TTC17: variants seen among roughly 807,000 people sequenced by gnomAD.
The protein encoded by TTC17 is tetratricopeptide repeat protein 17.
In TTC17, 58 loss-of-function variants were observed where a neutral mutation model predicts 143.8. The ratio of observed to expected loss-of-function variants is 0.40; its 90% confidence interval spans 0.33 to 0.50. The LOEUF (loss-of-function observed/expected upper bound fraction) is 0.50, where lower values mean the gene tolerates loss of function less well. TTC17 is among the 20% of genes least tolerant of loss of function. The pLI is 0.49. For synonymous variants in TTC17, 501 were observed against 497.8 expected, an observed-to-expected ratio of 1.01 and a Z score of -0.09; for missense variants, 1,273 against 1,392.5, an observed-to-expected ratio of 0.91 and a Z score of 1.37.
intron 15 of TTC17, among the ~76,000 whole-genome samples, chr11:43,409,702 G>C (rs1472770872): frequency 6.6e-6 from 1 of 152,134 alleles, no homozygotes; most frequent in Non-Finnish European, 1.5e-5. Context: ...ATTGGCCACA[G>C]GGCAAATACT....
rs200394000 is a variant in TTC17, at chr11:43,404,719, CA to C, written c.1479+576del. ...TTTCAGAATTTAATCAAGGGTTTAA[CA>C]GAATTAAACAGCCACTTAGATTTAA... On this transcript the variant is annotated intron_variant, in intron 11 of 23. Coordinates refer to ENST00000039989, the MANE Select transcript of TTC17 (RefSeq NM_018259.6). 7.7e-3 allele frequency among the ~76,000 whole-genome samples: 1,178 copies of C among 152,244 alleles called. 10 individuals are homozygous for C. The highest frequency in any genetic ancestry group is 0.013 in the Non-Finnish European group (914 of 68,004).
intron 1 of TTC17, among the ~76,000 whole-genome samples, chr11:43,365,293 G>A (rs1856289100): frequency 6.6e-6 from 1 of 151,942 alleles, no homozygotes; most frequent in South Asian, 2.1e-4. Context: ...TGTAGAGATA[G>A]GGTTGTACCA....
intron 1 of TTC17, among the ~76,000 whole-genome samples, chr11:43,365,089 A>T (rs919456313): frequency 3.3e-5 from 5 of 150,378 alleles, no homozygotes; most frequent in African/African-American, 1.2e-4. Context: ...GCGTGAACCC[A>T]CCACGCCCGG....
At chr11:43,359,228 G>T in intron 1 of TTC17, 115 bp downstream of exon 1, 1 of 1,326,236 alleles carries the variant, frequency 7.5e-7, no homozygotes, top group Non-Finnish European at 9.9e-7. Context: ...TACCCTCACA[G>T]GGAGGTGGCA....
chr11:43,436,255 C>A, intron 16 of TTC17: 1 of 1,466,070 alleles, frequency 6.8e-7, no homozygotes, highest in South Asian at 1.4e-5. Context: ...AAGAAGAGCC[C>A]TCTGAGAGAG....
At chr11:43,367,748 C>G (rs59194815) in intron 1 of TTC17, among the ~76,000 whole-genome samples, 1 of 147,746 alleles carries the variant, frequency 6.8e-6, no homozygotes, top group African/African-American at 2.5e-5. Flanking sequence ...GTGTGTGTGT[C>G]TCTTTTACAG....
At position 43,389,824 on chromosome 11, in the gene TTC17, AAAG is replaced by A. The variant is rs1201180582; in HGVS notation, c.419+7_419+9del. 1 of 1,576,858 alleles carries A rather than the reference AAAG, an allele frequency of 6.3e-7. No individual in the cohort carries two copies. Among genetic ancestry groups the A allele is most frequent in the Non-Finnish European group, 8.6e-7 (1 of 1,166,546 alleles). On this transcript the variant is annotated splice_donor_5th_base_variant and intron_variant, in intron 3 of 23. Transcript: ENST00000039989. ...ACTTTGGAGAGCAAAGACATCAGGT[AAAG>A]AAGTTCTCTTTCCAAAAATAAAATT...
At chr11:43,405,488 T>A in intron 11 of TTC17, 26 bp from the exon 12 acceptor site, 1 of 1,560,060 alleles carries the variant, frequency 6.4e-7, no homozygotes, top group South Asian at 1.1e-5. Context: ...CAAAGAAATT[T>A]ATGAGAAATT....
chr11:43,421,165 A>C (rs910988573), intron 16 of TTC17, among the ~76,000 whole-genome samples: 6 of 152,208 alleles, frequency 3.9e-5, no homozygotes, highest in African/African-American at 1.4e-4. Context: ...GGTTGGGGTC[A>C]TTAAGGGAGG....
At chr11:43,365,216 A>AC (rs1321874357) in intron 1 of TTC17, among the ~76,000 whole-genome samples, 2 of 151,970 alleles carry the variant, frequency 1.3e-5, no homozygotes, top group African/African-American at 4.8e-5. Context: ...TCTTCCCACC[A>AC]CAACCTCCCT....
At chr11:43,483,174 T>G (rs1029833561) in intron 21 of TTC17, among the ~76,000 whole-genome samples, 2 of 141,706 alleles carry the variant, frequency 1.4e-5, no homozygotes, top group Non-Finnish European at 3.0e-5. Context: ...CTCAAATAAA[T>G]TAAGTAGTAA....
chr11:43,411,299 C>G lies in TTC17; in HGVS notation c.2065-3291C>G, dbSNP rs543068326. ...CCTCAGGTCTTTTGCATTTTCTATC[C>G]TCTCTGGTTGGAGTACTTCATCCCA... is the stretch of plus-strand genomic sequence containing the variant. On this transcript the variant is annotated intron_variant, in intron 15 of 23. Coordinates refer to ENST00000039989, the MANE Select transcript of TTC17 (RefSeq NM_018259.6). 1.2e-4 allele frequency among the ~76,000 whole-genome samples: 18 copies of G among 152,238 alleles called. No individual in the cohort carries two copies. The East Asian group carries it at 3.3e-3, about 28-fold the overall frequency.
intron 22 of TTC17, chr11:43,491,225 T>G (rs999044534): frequency 6.6e-6 from 1 of 152,276 alleles, no homozygotes; most frequent in African/African-American, 2.4e-5. Context: ...TCCTTTCTGT[T>G]TCTTCTGTGT....
At chr11:43,492,984 A>G (rs1948499110) in intron 23 of TTC17, among the ~76,000 whole-genome samples, 1 of 152,244 alleles carries the variant, frequency 6.6e-6, no homozygotes, top group Non-Finnish European at 1.5e-5. Context: ...AGCTTCATGT[A>G]TCGTTCTTGA....
In TTC17 at chr11:43,494,110, CA is replaced by C. The variant is rs1948519059; in HGVS notation, c.*207del. On this transcript the variant is annotated 3_prime_UTR_variant, in exon 24 of 24. Coordinates refer to ENST00000039989, the MANE Select transcript of TTC17 (RefSeq NM_018259.6). ...CAACCAACCTCAGAAGAGGCACCTT[CA>C]GAAACACACATTTCTTAAAAGGAAA... 1.8e-6 allele frequency: 1 copy of C among 541,100 alleles called. No homozygotes were observed. Among genetic ancestry groups the C allele is most frequent in the South Asian group, 3.0e-5 (1 of 33,504 alleles). 33.5% of individuals were successfully genotyped at this position (541,100 alleles called of 1,614,324 possible). A position where few individuals can be genotyped will look rare whatever the true frequency, so the allele number is the denominator to read the frequency against.
chr11:43,473,955 T>G (rs921740153), intron 21 of TTC17, among the ~76,000 whole-genome samples: 4 of 151,558 alleles, frequency 2.6e-5, no homozygotes, highest in African/African-American at 7.3e-5. Flanking sequence ...TCTAGCAAAA[T>G]TATACATTCA....
At position 43,443,398 on chromosome 11, in the gene TTC17, A is replaced by C. The variant is rs775890008; in HGVS notation, c.2325A>C (p.Ile775=). 13 of 1,614,032 alleles carry C rather than the reference A, an allele frequency of 8.1e-6. No homozygotes were observed. The South Asian group carries it at 1.3e-4, about 16-fold the overall frequency. ...ATGAAACCAAAATGTCAGAAGAAAT[A>C]CTGGCTTTGGTGGATGAATTTCAAC... ...NSDETKMSEE[I]LALVDEFQQA... The change falls in exon 17 of 24, where the codon ATA becomes ATC. Residue 775 remains isoleucine, a synonymous_variant. Transcript: ENST00000039989.
intron 23 of TTC17, among the ~76,000 whole-genome samples, chr11:43,492,734 A>G (rs1948496007): frequency 1.3e-5 from 2 of 152,234 alleles, no homozygotes; most frequent in African/African-American, 4.8e-5. Flanking sequence ...AAATTCCGCT[A>G]GTTTCATGGA....
At chr11:43,454,915 C>CA (rs1947734281) in intron 21 of TTC17, among the ~76,000 whole-genome samples, 1 of 151,808 alleles carries the variant, frequency 6.6e-6, no homozygotes, top group African/African-American at 2.4e-5. Context: ...ATAGCATAAT[C>CA]AGTAAGGTAG....
Sources: allele counts gnomAD v4.1 joint callset (sites outside exome capture counted in the v4.1 genomes callset), GRCh38; gene constraint gnomAD v4.1.1; transcripts MANE v1.5; gene names NCBI Gene and HGNC (gene_info 2026-07-23, HGNC 2026-07-21).